Variants in TENT4B observed in about 807,000 individuals in gnomAD.
TENT4B encodes PAP associated domain containing 5.
In TENT4B, 10 loss-of-function variants were observed where a neutral mutation model predicts 75.0. The ratio of observed to expected loss-of-function variants is 0.13; its 90% CI spans 0.08 to 0.23. TENT4B has a LOEUF of 0.23. Ranked by LOEUF, TENT4B falls within the 10% of genes least tolerant of loss-of-function variation. The pLI is 1.00. For synonymous variants in TENT4B, 350 were observed against 357.7 expected, an observed-to-expected ratio of 0.98 and a Z score of 0.24; for missense variants, 579 against 893.8, an observed-to-expected ratio of 0.65 and a Z score of 4.49.
At chr16:50,202,700 A>G (rs1383575084) in intron 1 of TENT4B, among the ~76,000 whole-genome samples, 1 of 152,214 alleles carries the variant, frequency 6.6e-6, no homozygotes, top group Non-Finnish European at 1.5e-5. Context: ...GGAAGGGGAA[A>G]GAATTTTTGA....
intron 1 of TENT4B, among the ~76,000 whole-genome samples, chr16:50,183,110 C>A (rs971184493): frequency 3.3e-5 from 5 of 151,058 alleles, no homozygotes; most frequent in Non-Finnish European, 7.4e-5. Flanking sequence ...ATGGCCCAAT[C>A]TCGACTCACC....
chr16:50,161,395 A>T (rs2038000279), intron 1 of TENT4B, among the ~76,000 whole-genome samples: 1 of 152,204 alleles, frequency 6.6e-6, no homozygotes, highest in Non-Finnish European at 1.5e-5. Context: ...TTTAAGTCTT[A>T]AAACAATCTT....
At position 50,229,524 on chromosome 16, in the gene TENT4B, AAAGC is replaced by A. The variant is rs903512417; in HGVS notation, c.*203_*206del. On this transcript the variant is annotated 3_prime_UTR_variant, in exon 12 of 12. Coordinates refer to ENST00000561678, the MANE Select transcript of TENT4B (RefSeq NM_001365324.3). ...AAAAAAACAAAACAAAACAAAAAAAAAAGCAAGCAAAAAAGAGGGAAAAAAAAGG... is the reference window on the plus strand; with the variant it reads ...AAAAAAACAAAACAAAACAAAAAAAAAAGCAAAAAAGAGGGAAAAAAAAGG... 24 of 1,262,354 alleles carry A rather than the reference AAAGC, an allele frequency of 1.9e-5. No homozygotes were observed. Among genetic ancestry groups the A allele is most frequent in the African/African-American group, 1.5e-5 (1 of 64,526 alleles). 78.2% of individuals were successfully genotyped at this position (1,262,354 alleles called of 1,614,324 possible).
chr16:50,154,604 C>T (rs913870637), intron 1 of TENT4B, among the ~76,000 whole-genome samples: 2 of 151,840 alleles, frequency 1.3e-5, no homozygotes, highest in South Asian at 2.1e-4. Context: ...ACCACCACCC[C>T]GCCTCCAGCC....
Position 50,225,209 on chromosome 16 carries a change from T to C in TENT4B, c.1724T>C (p.Leu575Pro), listed in dbSNP as rs746290676. ...GKCRSKTSES[L>P]SKHSSNSSSG... ...TGTAGAAGTAAAACCTCGGAATCTC[T>C]TAGTAAACACTCTTCAAACTCTTCA... The change falls in exon 10 of 12, where the codon CTT becomes CCT. Residue 575 changes from leucine (L) to proline (P), a missense_variant. Leu to Pro is a moderately conservative substitution (Grantham distance 98). Transcript: ENST00000561678. 5.6e-6 allele frequency: 9 copies of C among 1,614,006 alleles called. No homozygotes were observed. Among genetic ancestry groups the C allele is most frequent in the Middle Eastern group, 1.6e-4 (1 of 6,062 alleles).
At chr16:50,164,228 T>C (rs1241248829) in intron 1 of TENT4B, among the ~76,000 whole-genome samples, 1 of 152,114 alleles carries the variant, frequency 6.6e-6, no homozygotes, top group East Asian at 1.9e-4. Context: ...GTTTTGAACT[T>C]GTGGTCTCAA....
At chr16:50,228,491 C>G (rs760699330) in intron 11 of TENT4B, among the ~76,000 whole-genome samples, 2 of 151,956 alleles carry the variant, frequency 1.3e-5, no homozygotes, top group Non-Finnish European at 2.9e-5. Context: ...TTTTTTGTTG[C>G]CTAGAATTGT....
intron 1 of TENT4B, among the ~76,000 whole-genome samples, chr16:50,154,615 C>T (rs1377533448): frequency 6.6e-6 from 1 of 151,942 alleles, no homozygotes; most frequent in Non-Finnish European, 1.5e-5. Flanking sequence ...GCCTCCAGCC[C>T]TCCACACCTT....
At chr16:50,214,302 C>T in intron 3 of TENT4B, 35 bp downstream of exon 3, 3 of 1,495,828 alleles carry the variant, frequency 2.0e-6, no homozygotes. Flanking sequence ...AAGGACTTTT[C>T]TTAGAGTGTA....
intron 1 of TENT4B, among the ~76,000 whole-genome samples, chr16:50,157,499 T>A (rs560396223): frequency 6.6e-6 from 1 of 152,376 alleles, no homozygotes; most frequent in East Asian, 1.9e-4. Flanking sequence ...AATAAAACTC[T>A]TGAGCTCATC....
intron 5 of TENT4B, among the ~76,000 whole-genome samples, chr16:50,219,036 GA>G (rs2031703197): frequency 6.6e-6 from 1 of 151,970 alleles, no homozygotes; most frequent in South Asian, 2.1e-4. Context: ...TAAATGTATG[GA>G]AGACAGAAAA....
rs1036459053 is a variant in TENT4B at position 50,232,390 on chromosome 16, CATTAAT to C, written c.*3066_*3071del. 59 of 985,314 alleles carry C rather than the reference CATTAAT, an allele frequency of 6.0e-5. No individual in the cohort carries two copies. Among genetic ancestry groups the C allele is most frequent in the Non-Finnish European group, 7.1e-5 (59 of 829,902 alleles). The allele number at this position is 985,314 out of a possible 1,614,324, so 61.0% of individuals were successfully genotyped here. On this transcript the variant is annotated 3_prime_UTR_variant, in exon 12 of 12. Transcript: ENST00000561678. Reference sequence around the variant, plus strand: ...TTACCTTTACTTGCATTTTGAGCCTCATTAATATTTAGGTTATTTGATTTGGCTCCA... The same window carrying C: ...TTACCTTTACTTGCATTTTGAGCCTCATTTAGGTTATTTGATTTGGCTCCA...
intron 1 of TENT4B, among the ~76,000 whole-genome samples, chr16:50,165,908 C>T (rs951375283): frequency 1.7e-4 from 26 of 151,920 alleles, no homozygotes; most frequent in South Asian, 6.2e-4. Context: ...TTTATGTGAA[C>T]GTGTTTTCAT....
chr16:50,155,272 GGTGTGTGTGTGTGTGT>G (rs60683678), intron 1 of TENT4B, among the ~76,000 whole-genome samples: 4 of 135,482 alleles, frequency 3.0e-5, no homozygotes, highest in Non-Finnish European at 4.7e-5. Context: ...GGGTCTCGTG[GGTGTGTGTGTGTGTGT>G]GTGTGTGTGT....
intron 3 of TENT4B, 67 bp downstream of exon 3, chr16:50,214,334 G>T: frequency 4.7e-6 from 6 of 1,290,216 alleles, no homozygotes; most frequent in Non-Finnish European, 6.5e-6. Context: ...TGTCAAATTT[G>T]TAAGGAGTAG....
Position 50,234,758 on chromosome 16 carries a change from T to G in TENT4B, c.*5430T>G, listed in dbSNP as rs781683744. The G allele has an allele frequency of 2.0e-6, 2 of 985,336 alleles. No homozygotes were observed. Among genetic ancestry groups the G allele is most frequent in the East Asian group, 2.3e-4 (2 of 8,832 alleles). 61.0% of individuals were successfully genotyped at this position (985,336 alleles called of 1,614,324 possible). A position where few individuals can be genotyped will look rare whatever the true frequency, so the allele number is the denominator to read the frequency against. The stretch of plus-strand genomic sequence containing the variant: ...AGCACTGCCTTAACACACATTGTTA[T>G]GGGTGAAAAGTGAGGGACGACCAGT... On this transcript the variant is annotated 3_prime_UTR_variant, in exon 12 of 12. Coordinates refer to ENST00000561678, the MANE Select transcript of TENT4B (RefSeq NM_001365324.3).
intron 1 of TENT4B, among the ~76,000 whole-genome samples, chr16:50,165,356 A>G (rs1312989733): frequency 6.6e-6 from 1 of 152,096 alleles, no homozygotes; most frequent in East Asian, 1.9e-4. Context: ...CTTTTTTATC[A>G]GCAAAATATG....
intron 1 of TENT4B, among the ~76,000 whole-genome samples, chr16:50,208,512 C>T (rs1370332369): frequency 1.3e-5 from 2 of 151,486 alleles, no homozygotes; most frequent in African/African-American, 4.9e-5. Flanking sequence ...CCAGTCCATC[C>T]TGGGCAGCTG....
chr16:50,157,808 C>T (rs2037930058), intron 1 of TENT4B, among the ~76,000 whole-genome samples: 1 of 151,516 alleles, frequency 6.6e-6, no homozygotes, highest in South Asian at 2.1e-4. Flanking sequence ...CTCTGTCGCT[C>T]AGGCTGGAGT....
Sources: gnomAD v4.1 joint callset for allele counts (sites outside exome capture counted in the v4.1 genomes callset) on GRCh38, gnomAD v4.1.1 for gene constraint, MANE v1.5 for transcripts, NCBI Gene and HGNC (gene_info 2026-07-23, HGNC 2026-07-21) for gene names.